The following ZC3HC1 variants were observed in gnomAD, a reference collection of about 807,000 sequenced individuals.
The protein encoded by ZC3HC1 is zinc finger C3HC-type containing 1.
A neutral mutation model predicts 61.9 loss-of-function variants in ZC3HC1; 38 were observed. The ratio of observed to expected loss-of-function variants is 0.61; its 90% CI spans 0.47 to 0.81. The LOEUF (loss-of-function observed/expected upper bound fraction) is 0.81. Ranked by LOEUF, ZC3HC1 falls within the 30% of genes least tolerant of loss-of-function variation. ZC3HC1 has a pLI of 0.00. For synonymous variants in ZC3HC1, 213 were observed against 229.9 expected (o/e 0.93, Z 0.67); for missense variants, 554 against 622.7 (o/e 0.89, Z 1.17).
At chr7:130,038,643 G>A (rs1035991545) in intron 4 of ZC3HC1, among the ~76,000 whole-genome samples, 13 of 151,946 alleles carry the variant, frequency 8.6e-5, no homozygotes, top group Non-Finnish European at 4.4e-5. Flanking sequence ...CAGATCACTT[G>A]AGGTCAGGAG....
In ZC3HC1 at chr7:130,022,405, C is replaced by T. The variant is rs149257210; in HGVS notation, c.1354G>A (p.Ala452Thr). ...ENGGTEPDAS[A>T]PAEPGWKAVL... is the part of the protein sequence containing the mutation. ...GCTTTCCAGCCTGGCTCTGCTGGGGCGCTGGCATCTGGTTCAGTTCCACCA... is the reference window on the plus strand; with the variant it reads ...GCTTTCCAGCCTGGCTCTGCTGGGGTGCTGGCATCTGGTTCAGTTCCACCA... The change falls in exon 9 of 10, where the codon GCC becomes ACC. Residue 452 changes from alanine (A) to threonine (T), a missense_variant. Physicochemically the swap from Ala to Thr is moderately conservative, Grantham distance 58. Coordinates refer to ENST00000358303, the MANE Select transcript of ZC3HC1 (RefSeq NM_016478.5). 39 of 1,612,954 alleles carry T rather than the reference C, an allele frequency of 2.4e-5. 1 individual carries two copies. Among genetic ancestry groups the T allele is most frequent in the Middle Eastern group, 1.6e-4 (1 of 6,072 alleles).
intron 4 of ZC3HC1, among the ~76,000 whole-genome samples, chr7:130,031,336 A>AAAC (rs1554453122): frequency 1.3e-5 from 2 of 151,008 alleles, no homozygotes; most frequent in Non-Finnish European, 3.0e-5. Context: ...AAAAAAAAAA[A>AAAC]AAAAAACAGA....
chr7:130,032,757 G>GGGGAAAGGAAGGA, intron 4 of ZC3HC1, among the ~76,000 whole-genome samples: 1 of 59,308 alleles, frequency 1.7e-5, no homozygotes, highest in East Asian at 7.0e-4. Context: ...GAGGGGAAGG[G>GGGGAAAGGAAGGA]GGGAAGGGAA....
chr7:130,019,054 C>CTTTCTTTT (rs779856466), intron 9 of ZC3HC1, among the ~76,000 whole-genome samples: 1,799 of 132,898 alleles, frequency 0.014, 21 homozygotes, highest in Non-Finnish European at 0.018. Context: ...ACTGGTTTTT[C>CTTTCTTTT]TTTTTTTTTT....
At chr7:130,034,123 A>T (rs985143280) in intron 4 of ZC3HC1, among the ~76,000 whole-genome samples, 27 of 148,392 alleles carry the variant, frequency 1.8e-4, no homozygotes, top group African/African-American at 5.7e-4. Flanking sequence ...TTTATAATTT[A>T]TTTTCCCAAT....
chr7:130,039,301 G>A lies in ZC3HC1; in HGVS notation c.493+163C>T, dbSNP rs1053385750. On this transcript the variant is annotated intron_variant, in intron 4 of 9. Transcript: ENST00000358303. Reference sequence around the variant, plus strand: ...GAAGGTTGCAGTGAGCCAAGATCGCGCCACTGTACTCCAGCCTGGGCAACA... The same window carrying A: ...GAAGGTTGCAGTGAGCCAAGATCGCACCACTGTACTCCAGCCTGGGCAACA... 24 of 624,320 alleles carry A rather than the reference G, an allele frequency of 3.8e-5. No homozygotes were observed. The African/African-American group carries it at 3.9e-4, about 10-fold the overall frequency. 38.7% of individuals were successfully genotyped at this position (624,320 alleles called of 1,614,324 possible).
At chr7:130,049,401 C>G (rs887851942) in intron 1 of ZC3HC1, among the ~76,000 whole-genome samples, 2 of 152,120 alleles carry the variant, frequency 1.3e-5, no homozygotes, top group Admixed American at 6.6e-5. Flanking sequence ...CAATTTCTAC[C>G]TCTACAGGGC....
At chr7:130,050,847 A>G (rs1226945167) in intron 1 of ZC3HC1, among the ~76,000 whole-genome samples, 2 of 152,176 alleles carry the variant, frequency 1.3e-5, no homozygotes, top group Admixed American at 1.3e-4. Context: ...ATCCTATGTA[A>G]TTTACTTTAA....
intron 2 of ZC3HC1, among the ~76,000 whole-genome samples, chr7:130,044,306 C>T (rs1200517059): frequency 6.6e-6 from 1 of 152,162 alleles, no homozygotes; most frequent in African/African-American, 2.4e-5. Context: ...AGGTGTGCCA[C>T]CATGCCCAGT....
chr7:130,026,177 CAG>C lies in ZC3HC1; in HGVS notation c.755_756del (p.Ser252CysfsTer7). 6.2e-7 allele frequency: 1 copy of C among 1,614,006 alleles called. No homozygotes were observed. The highest frequency in any genetic ancestry group is 8.5e-7 in the Non-Finnish European group (1 of 1,179,904). ...ACTCACCTACACGCCCAGCCACACA[CAG>C]AGAGAATACAGGCAGTGACGTGGAC... The part of the protein sequence containing the change: ...IQVHVTACIL[S>X]VCGWACSSSL... On this transcript the variant is annotated frameshift_variant, in exon 6 of 10. Coordinates refer to ENST00000358303, the MANE Select transcript of ZC3HC1 (RefSeq NM_016478.5). LOFTEE classifies it high-confidence loss of function.
intron 2 of ZC3HC1, among the ~76,000 whole-genome samples, chr7:130,042,748 G>A (rs1238078318): frequency 6.6e-6 from 1 of 152,112 alleles, no homozygotes; most frequent in Non-Finnish European, 1.5e-5. Flanking sequence ...AATGGCACGA[G>A]CTCAGCTCAC....
At chr7:130,035,918 C>T (rs1475560042) in intron 4 of ZC3HC1, among the ~76,000 whole-genome samples, 2 of 152,168 alleles carry the variant, frequency 1.3e-5, no homozygotes, top group African/African-American at 4.8e-5. Flanking sequence ...TTGAAGTCTC[C>T]TCTTATGGGG....
chr7:130,051,143 C>G (rs1412806463), intron 1 of ZC3HC1, 78 bp downstream of exon 1: 4 of 1,511,638 alleles, frequency 2.6e-6, no homozygotes, highest in Non-Finnish European at 3.5e-6. Context: ...CGAGGGGAAC[C>G]TCCCCCAACC....
chr7:130,050,428 A>C, intron 1 of ZC3HC1: 1 of 1,533,708 alleles, frequency 6.5e-7, no homozygotes, highest in Non-Finnish European at 8.7e-7. Context: ...TATAGCTCAA[A>C]AGAAATAAAC....
At chr7:130,034,301 C>T (rs746014795) in intron 4 of ZC3HC1, among the ~76,000 whole-genome samples, 105 of 150,682 alleles carry the variant, frequency 7.0e-4, no homozygotes, top group South Asian at 1.9e-3. Flanking sequence ...CTGGCTAACA[C>T]GGTGAAACCC....
chr7:130,041,121 C>T lies in ZC3HC1; in HGVS notation c.259-20G>A. The stretch of plus-strand genomic sequence containing the variant: ...CAAAGAGTATCCATGTTAAGAAAAA[C>T]AACACAGCAAATATATATATATATG... On this transcript the variant is annotated intron_variant, in intron 2 of 9. Coordinates refer to ENST00000358303, the MANE Select transcript of ZC3HC1 (RefSeq NM_016478.5). The T allele has an allele frequency of 6.2e-7, 1 of 1,604,214 alleles. No individual in the cohort carries two copies. The highest frequency in any genetic ancestry group is 1.4e-5 in the African/African-American group (1 of 73,768).
At chr7:130,032,657 G>A (rs959165153) in intron 4 of ZC3HC1, among the ~76,000 whole-genome samples, 2 of 131,768 alleles carry the variant, frequency 1.5e-5, no homozygotes, top group Non-Finnish European at 3.2e-5. Flanking sequence ...ACGTGTACTT[G>A]ATAGAAGAAA....
At chr7:130,028,778 G>A in intron 5 of ZC3HC1, 124 bp downstream of exon 5, 5 of 1,329,862 alleles carry the variant, frequency 3.8e-6, no homozygotes, top group Non-Finnish European at 5.1e-6. Flanking sequence ...GAAAAGGTCA[G>A]ATGAGAGACA....
chr7:130,044,300 G>A (rs1195403591), intron 2 of ZC3HC1, among the ~76,000 whole-genome samples: 1 of 152,180 alleles, frequency 6.6e-6, no homozygotes, highest in East Asian at 1.9e-4. Context: ...GATTACAGGT[G>A]TGCCACCATG....
Sources: allele counts gnomAD v4.1 joint callset (sites outside exome capture counted in the v4.1 genomes callset), GRCh38; gene constraint gnomAD v4.1.1; transcripts MANE v1.5; gene names NCBI Gene and HGNC (gene_info 2026-07-23, HGNC 2026-07-21).